Variants in VPS41 observed in about 807,000 individuals in gnomAD.
VPS41 encodes the protein vacuolar protein sorting-associated protein 41 homolog.
VPS41 carries 85 observed loss-of-function variants against 130.9 expected under a neutral mutation model. That is an observed-to-expected ratio of 0.65 (90% CI 0.55 to 0.78). The LOEUF is 0.78. VPS41 is among the 30% of genes least tolerant of loss of function. The probability of loss-of-function intolerance (pLI) is 0.00; values close to 1 mark genes in which losing one functional copy is unlikely to be tolerated. For synonymous variants in VPS41, 335 were observed against 332.9 expected, an observed-to-expected ratio of 1.01 and a Z score of -0.07; for missense variants, 874 against 1,018.7, an observed-to-expected ratio of 0.86 and a Z score of 1.93.
chr7:38,796,366 A>G, intron 8 of VPS41: 2 of 421,498 alleles, frequency 4.7e-6, no homozygotes, highest in South Asian at 3.6e-5. Context: ...TGGGAGTAAA[A>G]GAGAAATCAG....
chr7:38,881,026 G>T (rs1786592885), intron 2 of VPS41, among the ~76,000 whole-genome samples: 1 of 152,144 alleles, frequency 6.6e-6, no homozygotes, highest in South Asian at 2.1e-4. Context: ...AGGAGACAAG[G>T]TCATTCAATC....
chr7:38,756,519 G>T (rs939312865), intron 19 of VPS41, among the ~76,000 whole-genome samples: 1 of 152,066 alleles, frequency 6.6e-6, no homozygotes, highest in African/African-American at 2.4e-5. Context: ...ATGAGTCAAA[G>T]TATATACGTG....
chr7:38,879,348 C>T (rs1354840716), intron 2 of VPS41, among the ~76,000 whole-genome samples: 1 of 152,170 alleles, frequency 6.6e-6, no homozygotes, highest in Non-Finnish European at 1.5e-5. Context: ...TTCACTCCTC[C>T]ATTTTCTCCC....
At chr7:38,790,469 T>A (rs1416718614) in intron 9 of VPS41, among the ~76,000 whole-genome samples, 1 of 152,128 alleles carries the variant, frequency 6.6e-6, no homozygotes, top group Non-Finnish European at 1.5e-5. Context: ...CATTCATGGA[T>A]TTAACCAAAC....
chr7:38,773,964 C>CA (rs1435651053), intron 12 of VPS41, 151 bp downstream of exon 12: 16 of 707,510 alleles, frequency 2.3e-5, no homozygotes, highest in Non-Finnish European at 6.4e-6. Context: ...TCTCTGCATC[C>CA]AAATGTCCTT....
intron 10 of VPS41, among the ~76,000 whole-genome samples, chr7:38,789,287 C>T (rs1291669335): frequency 2.0e-5 from 3 of 151,974 alleles, no homozygotes; most frequent in Non-Finnish European, 4.4e-5. Context: ...TCACTGGAAC[C>T]CGTGACAAGT....
intron 7 of VPS41, 54 bp from the exon 8 acceptor site, chr7:38,796,918 G>T: frequency 6.2e-7 from 1 of 1,606,726 alleles, no homozygotes; most frequent in East Asian, 2.2e-5. Flanking sequence ...TAATGTATCA[G>T]GTTCTTTACT....
chr7:38,854,239 C>A (rs1247676656), intron 4 of VPS41, among the ~76,000 whole-genome samples: 1 of 152,196 alleles, frequency 6.6e-6, no homozygotes, highest in Admixed American at 6.5e-5. Flanking sequence ...CTTGAGCCAA[C>A]AATGAACCAC....
intron 3 of VPS41, among the ~76,000 whole-genome samples, chr7:38,864,398 T>C (rs1233306873): frequency 2.6e-5 from 4 of 152,236 alleles, no homozygotes; most frequent in Non-Finnish European, 5.9e-5. Context: ...ATTTTGACTT[T>C]ACAGTCTCAT....
In VPS41 at chr7:38,774,442, T is replaced by C. The variant is rs34255211; in HGVS notation, c.883-198A>G. Among the ~76,000 whole-genome samples, 15,314 of 151,772 alleles carry C rather than the reference T, an allele frequency of 0.1. 848 individuals are homozygous for C. Among genetic ancestry groups the C allele is most frequent in the African/African-American group, 0.15 (6,243 of 41,354 alleles). On this transcript the variant is annotated intron_variant, in intron 11 of 28. Coordinates refer to ENST00000310301, the MANE Select transcript of VPS41 (RefSeq NM_014396.4). ...GGGAAAGGCCTCAGGAAACTTACAA[T>C]CAGAAAACATTCCAAAAATAAAATA...
At chr7:38,822,794 A>C (rs1435813111) in intron 5 of VPS41, among the ~76,000 whole-genome samples, 2 of 152,234 alleles carry the variant, frequency 1.3e-5, no homozygotes, top group Admixed American at 1.3e-4. Context: ...ACCATGAGAA[A>C]GTTTGAATGT....
intron 25 of VPS41, among the ~76,000 whole-genome samples, chr7:38,739,844 A>G (rs1795848319): frequency 6.6e-6 from 1 of 152,238 alleles, no homozygotes; most frequent in Non-Finnish European, 1.5e-5. Context: ...ACATACTTAC[A>G]TATCTTAAGG....
chr7:38,758,480 C>T lies in VPS41; in HGVS notation c.1424G>A (p.Gly475Asp). Reference protein sequence around the residue: ...LHEFLESDYEGFATLIREWPG... With the variant: ...LHEFLESDYEDFATLIREWPG... ...CCATTCTCGGATCAATGTGGCAAAA[C>T]CCTAACCAAAGGTGAAAAACAGAAA... is the stretch of plus-strand genomic sequence containing the variant. The change falls in exon 18 of 29, where the codon GGT (glycine) becomes GAT (aspartate). Residue 475 changes from glycine (G) to aspartate (D), a missense_variant and splice_region_variant. Physicochemically the swap from Gly to Asp is moderately conservative, Grantham distance 94. Coordinates refer to ENST00000310301, the MANE Select transcript of VPS41 (RefSeq NM_014396.4). The T allele has an allele frequency of 6.2e-7, 1 of 1,606,714 alleles. No individual in the cohort carries two copies. The highest frequency in any genetic ancestry group is 8.5e-7 in the Non-Finnish European group (1 of 1,178,232).
Position 38,728,752 on chromosome 7 carries a change from C to G in VPS41, c.2299G>C (p.Asp767His). 1.2e-6 allele frequency: 2 copies of G among 1,614,150 alleles called. No homozygotes were observed. Among genetic ancestry groups the G allele is most frequent in the Non-Finnish European group, 1.7e-6 (2 of 1,180,026 alleles). Residue 767 changes from aspartate (D) to histidine (H), a missense_variant, in exon 26 of 29, where the codon GAC becomes CAC. Coordinates refer to ENST00000310301, the MANE Select transcript of VPS41 (RefSeq NM_014396.4). ...ATTTTCTTCAGTAAGGACAAAGAGT[C>G]AGCTACGAGAATCTTCTTGCAGCCT... Reference protein sequence around the residue: ...REGCKKILVADSLSLLKKMHR... With the variant: ...REGCKKILVAHSLSLLKKMHR...
chr7:38,775,895 A>G (rs1784249900), intron 11 of VPS41, among the ~76,000 whole-genome samples: 1 of 152,090 alleles, frequency 6.6e-6, no homozygotes, highest in Admixed American at 6.5e-5. Context: ...TAGAGAATCA[A>G]TTACAATTTC....
chr7:38,856,945 G>C (rs925749293), intron 4 of VPS41, among the ~76,000 whole-genome samples: 1 of 152,192 alleles, frequency 6.6e-6, no homozygotes, highest in Non-Finnish European at 1.5e-5. Context: ...GATTAGAAAG[G>C]TGGGTTTCAC....
chr7:38,745,218 A>G (rs1795963490), intron 23 of VPS41, among the ~76,000 whole-genome samples: 2 of 152,158 alleles, frequency 1.3e-5, no homozygotes, highest in Admixed American at 1.3e-4. Context: ...GTGATTATTT[A>G]TTTTCTACCA....
intron 11 of VPS41, chr7:38,775,095 T>C (rs1784233174): frequency 6.6e-6 from 1 of 152,004 alleles, no homozygotes; most frequent in Non-Finnish European, 1.5e-5. Flanking sequence ...GGGGGCTATT[T>C]GGGGGATAAT....
At chr7:38,848,050 A>C (rs1424584557) in intron 4 of VPS41, among the ~76,000 whole-genome samples, 5 of 152,236 alleles carry the variant, frequency 3.3e-5, no homozygotes, top group Non-Finnish European at 7.3e-5. Flanking sequence ...TACTTCCACC[A>C]CAGAAATTAT....
Sources: allele counts gnomAD v4.1 joint callset (sites outside exome capture counted in the v4.1 genomes callset), GRCh38; gene constraint gnomAD v4.1.1; transcripts MANE v1.5; gene names NCBI Gene and HGNC (gene_info 2026-07-23, HGNC 2026-07-21).